HYCC1: variants seen among roughly 807,000 people sequenced by gnomAD.
The protein encoded by HYCC1 is hyccin PI4KA lipid kinase complex subunit 1.
chr7:22,979,352 G>A, the HYCC1 span, among the ~76,000 whole-genome samples: 1 of 152,130 alleles, frequency 6.6e-6, no homozygotes, highest in African/African-American at 2.4e-5. Flanking sequence ...CCTAACTTCT[G>A]ACAGTTAATC....
chr7:22,945,566 A>T, the HYCC1 span: 1 of 1,543,846 alleles, frequency 6.5e-7, no homozygotes. Flanking sequence ...TCACTAGGTT[A>T]TGGGAGAAAA....
chr7:22,941,226 AT>A, the HYCC1 span: 4 of 152,100 alleles, frequency 2.6e-5, no homozygotes, highest in African/African-American at 9.7e-5. Context: ...TTTTATAATA[AT>A]TTTTTAAATG....
At chr7:22,962,157 A>C in the HYCC1 span, among the ~76,000 whole-genome samples, 1 of 152,228 alleles carries the variant, frequency 6.6e-6, no homozygotes, top group Non-Finnish European at 1.5e-5. Flanking sequence ...GGAACCCTAA[A>C]GGGAGACAGG....
At chr7:22,918,955 G>T in the HYCC1 span, among the ~76,000 whole-genome samples, 2 of 152,118 alleles carry the variant, frequency 1.3e-5, no homozygotes, top group Non-Finnish European at 2.9e-5. Flanking sequence ...CATTAAAATA[G>T]TATAGCCAAG....
chr7:22,985,188 T>G, the HYCC1 span, among the ~76,000 whole-genome samples: 4 of 152,234 alleles, frequency 2.6e-5, no homozygotes, highest in African/African-American at 9.6e-5. Context: ...ACATTATTCC[T>G]TATATGTCTC....
chr7:22,960,816 G>A, the HYCC1 span, among the ~76,000 whole-genome samples: 3 of 152,146 alleles, frequency 2.0e-5, no homozygotes, highest in Non-Finnish European at 2.9e-5. Context: ...TTGGGAGGCC[G>A]AGGGGGCCTG....
chr7:22,957,744 C>T, the HYCC1 span, among the ~76,000 whole-genome samples: 1 of 151,788 alleles, frequency 6.6e-6, no homozygotes, highest in East Asian at 1.9e-4. Flanking sequence ...GAATGGGAAA[C>T]ACATTTAGAG....
the HYCC1 span, among the ~76,000 whole-genome samples, chr7:22,997,174 T>C: frequency 6.6e-6 from 1 of 152,256 alleles, no homozygotes; most frequent in South Asian, 2.1e-4. Flanking sequence ...TTAATAACAA[T>C]TACCAAAATT....
chr7:22,933,976 A>G, the HYCC1 span, among the ~76,000 whole-genome samples: 2 of 152,158 alleles, frequency 1.3e-5, no homozygotes, highest in Non-Finnish European at 2.9e-5. Context: ...CATTAATTCA[A>G]TCAATCATTC....
At chr7:22,902,066 A>G in the HYCC1 span, among the ~76,000 whole-genome samples, 1 of 152,152 alleles carries the variant, frequency 6.6e-6, no homozygotes, top group African/African-American at 2.4e-5. Context: ...AATTGATAGC[A>G]TGTAGAGCAT....
the HYCC1 span, among the ~76,000 whole-genome samples, chr7:22,923,499 G>A: frequency 4.6e-5 from 7 of 151,990 alleles, no homozygotes; most frequent in Non-Finnish European, 7.4e-5. Context: ...TAAGTACACT[G>A]TAAAAAGAAA....
At chr7:22,983,596 G>A in the HYCC1 span, among the ~76,000 whole-genome samples, 2 of 152,158 alleles carry the variant, frequency 1.3e-5, no homozygotes, top group Admixed American at 1.3e-4. Flanking sequence ...TCCTCTTTCA[G>A]GATAAAAACC....
the HYCC1 span, among the ~76,000 whole-genome samples, chr7:23,009,483 C>T: frequency 9.2e-5 from 14 of 152,244 alleles, no homozygotes; most frequent in East Asian, 2.5e-3. Flanking sequence ...AAACTTTTCA[C>T]TTCCTCTCTA....
the HYCC1 span, among the ~76,000 whole-genome samples, chr7:22,960,959 G>T: frequency 6.6e-6 from 1 of 152,250 alleles, no homozygotes; most frequent in Non-Finnish European, 1.5e-5. Flanking sequence ...GCCGAGGCAG[G>T]AAAATCGCTT....
the HYCC1 span, among the ~76,000 whole-genome samples, chr7:22,914,288 C>T: frequency 4.0e-5 from 6 of 151,864 alleles, no homozygotes; most frequent in South Asian, 4.1e-4. Flanking sequence ...TGGCTGCTCA[C>T]CCACATTGCA....
chr7:23,010,530 T>C, the HYCC1 span, among the ~76,000 whole-genome samples: 1 of 152,210 alleles, frequency 6.6e-6, no homozygotes, highest in East Asian at 1.9e-4. Flanking sequence ...GAGGAAAAGA[T>C]TATAAAGGCA....
the HYCC1 span, among the ~76,000 whole-genome samples, chr7:22,963,872 A>G: frequency 6.6e-6 from 1 of 152,238 alleles, no homozygotes; most frequent in African/African-American, 2.4e-5. Context: ...AATATAATGC[A>G]AAGTAAATGA....
the HYCC1 span, among the ~76,000 whole-genome samples, chr7:22,916,288 C>T: frequency 6.6e-6 from 1 of 152,104 alleles, no homozygotes; most frequent in Non-Finnish European, 1.5e-5. Context: ...ACCCATGGTG[C>T]CTAACCCATA....
chr7:22,952,400 A>T, the HYCC1 span, among the ~76,000 whole-genome samples: 1 of 151,980 alleles, frequency 6.6e-6, no homozygotes, highest in Non-Finnish European at 1.5e-5. Context: ...ACCTTTCACT[A>T]TTCAAATTTC....
Sources: gnomAD v4.1 joint callset for allele counts (sites outside exome capture counted in the v4.1 genomes callset) on GRCh38, gnomAD v4.1.1 for gene constraint, MANE v1.5 for transcripts, NCBI Gene and HGNC (gene_info 2026-07-23, HGNC 2026-07-21) for gene names.